Variants in ZC3H18 observed in about 807,000 individuals in gnomAD.
The protein encoded by ZC3H18 is zinc finger CCCH domain-containing protein 18.
In ZC3H18, 8 loss-of-function variants were observed where a neutral mutation model predicts 106.1. That is an observed-to-expected ratio of 0.08 (90% CI 0.04 to 0.14). The LOEUF (loss-of-function observed/expected upper bound fraction) is 0.14, where lower values mean the gene tolerates loss of function less well. Among genes scored for constraint, ZC3H18 ranks in the 10% least tolerant of loss-of-function variants. ZC3H18 has a pLI of 1.00. For missense variants in ZC3H18, 1,318 were observed against 1,278.4 expected (o/e 1.03, Z -0.47); for synonymous variants, 635 against 522.1 (o/e 1.22, Z -2.95).
intron 3 of ZC3H18, 132 bp downstream of exon 3, chr16:88,586,816 T>C (rs1250345584): frequency 2.4e-5 from 14 of 583,074 alleles, no homozygotes; most frequent in Non-Finnish European, 4.4e-5. Context: ...TAGGTGGTGG[T>C]GGTGGTGGTG....
chr16:88,585,969 C>T (rs1191616957), intron 2 of ZC3H18, among the ~76,000 whole-genome samples: 3 of 152,070 alleles, frequency 2.0e-5, no homozygotes, highest in Non-Finnish European at 2.9e-5. Flanking sequence ...CTCAGCTGCA[C>T]GTCCGTGGGA....
At position 88,599,803 on chromosome 16, in the gene ZC3H18, G is replaced by A; in HGVS notation, c.943G>A (p.Ala315Thr). ...LRHAKEVLKK[A>T]TIRKEQEPDF... ...CTTACAATGGTAGGTTTTAAAAAAA[G>A]CAACTATTCGAAAAGAACAGGAGCC... Residue 315 changes from alanine (A) to threonine (T), a missense_variant, in exon 6 of 18, where the codon GCA becomes ACA. Transcript: ENST00000301011. 1 of 1,607,964 alleles carries A rather than the reference G, an allele frequency of 6.2e-7. No homozygotes were observed. The highest frequency in any genetic ancestry group is 8.5e-7 in the Non-Finnish European group (1 of 1,178,278).
At chr16:88,620,598 AAAG>A (rs1905896690) in intron 8 of ZC3H18, among the ~76,000 whole-genome samples, 2 of 151,944 alleles carry the variant, frequency 1.3e-5, no homozygotes, top group Admixed American at 6.6e-5. Flanking sequence ...AAAAAAAAAA[AAAG>A]CCACGTTCTG....
intron 11 of ZC3H18, 82 bp from the exon 12 acceptor site, chr16:88,624,520 C>T: frequency 6.2e-7 from 1 of 1,602,996 alleles, no homozygotes; most frequent in Non-Finnish European, 8.5e-7. Context: ...GTTCCCCGAG[C>T]TGTGGGTCCA....
rs1567599295 is a variant in ZC3H18, at chr16:88,624,693, G to A, written c.1990G>A (p.Asp664Asn). Residue 664 changes from aspartate (D) to asparagine (N), a missense_variant, in exon 12 of 18, where the codon GAC becomes AAC. Physicochemically the swap from Asp to Asn is conservative, Grantham distance 23. Transcript: ENST00000301011. ...APVPEPTKPGDPREARRKERP... is the reference protein window; with the variant it reads ...APVPEPTKPGNPREARRKERP... ...TGTCCCCGAGCCCACCAAGCCAGGAGACCCTCGGGAAGCCAGGAGGAAGGA... is the reference window on the plus strand; with the variant it reads ...TGTCCCCGAGCCCACCAAGCCAGGAAACCCTCGGGAAGCCAGGAGGAAGGA... 6.2e-7 allele frequency: 1 copy of A among 1,612,554 alleles called. No individual in the cohort carries two copies. Among genetic ancestry groups the A allele is most frequent in the Non-Finnish European group, 8.5e-7 (1 of 1,178,934 alleles).
chr16:88,622,412 T>A (rs2142805054), intron 9 of ZC3H18, 24 bp downstream of exon 9: 2 of 1,579,896 alleles, frequency 1.3e-6, no homozygotes, highest in East Asian at 4.6e-5. Flanking sequence ...GTGGGACGGC[T>A]GGGGTGTCAG....
chr16:88,617,076 C>G (rs1302665413), intron 8 of ZC3H18, among the ~76,000 whole-genome samples: 3 of 152,110 alleles, frequency 2.0e-5, no homozygotes, highest in East Asian at 1.9e-4. Context: ...ATGCTGAGCC[C>G]CAATAGGAAA....
intron 16 of ZC3H18, 43 bp downstream of exon 16, chr16:88,628,897 GCC>G: frequency 6.2e-7 from 1 of 1,605,618 alleles, no homozygotes; most frequent in Non-Finnish European, 8.5e-7. Context: ...AGGGACGGGA[GCC>G]TGGGGATGCG....
At chr16:88,629,060 C>T (rs1382466535) in intron 16 of ZC3H18, among the ~76,000 whole-genome samples, 3 of 152,236 alleles carry the variant, frequency 2.0e-5, no homozygotes, top group Non-Finnish European at 4.4e-5. Context: ...ATAACAGGAC[C>T]GGGCGTGGTG....
chr16:88,598,447 T>C, intron 4 of ZC3H18, 121 bp downstream of exon 4: 1 of 1,494,356 alleles, frequency 6.7e-7, no homozygotes, highest in African/African-American at 1.4e-5. Context: ...CGGCTGCTTC[T>C]GTCGTCCCGA....
At chr16:88,585,651 C>G (rs1915390731) in intron 2 of ZC3H18, among the ~76,000 whole-genome samples, 1 of 152,124 alleles carries the variant, frequency 6.6e-6, no homozygotes, top group South Asian at 2.1e-4. Flanking sequence ...AGAACGCGGT[C>G]AGGCCTGGAA....
Position 88,619,421 on chromosome 16 carries a change from C to T in ZC3H18, c.1476-2776C>T, listed in dbSNP as rs537547091. Among the ~76,000 whole-genome samples the T allele has an allele frequency of 5.3e-4, 80 of 152,310 alleles. 2 individuals carry two copies. The South Asian group carries it at 7.0e-3, about 13-fold the overall frequency. Reference sequence around the variant, plus strand: ...CAGCTGCTTCAGAAGGAAGGTGGTGCGGCCGGCGGCAGCGGAGGGCGCGCT... The same window carrying T: ...CAGCTGCTTCAGAAGGAAGGTGGTGTGGCCGGCGGCAGCGGAGGGCGCGCT... On this transcript the variant is annotated intron_variant, in intron 8 of 17. Coordinates refer to ENST00000301011, the MANE Select transcript of ZC3H18 (RefSeq NM_144604.4).
chr16:88,612,411 C>A (rs1185745877), intron 8 of ZC3H18, among the ~76,000 whole-genome samples: 10 of 151,798 alleles, frequency 6.6e-5, no homozygotes, highest in Admixed American at 6.6e-4. Flanking sequence ...CACACTTGCA[C>A]CCTGCACTTT....
chr16:88,597,423 A>T (rs1404796599), intron 3 of ZC3H18, among the ~76,000 whole-genome samples: 10 of 152,218 alleles, frequency 6.6e-5, no homozygotes, highest in Admixed American at 6.5e-4. Context: ...AAAATTTTTA[A>T]ACCGCTTAGA....
intron 6 of ZC3H18, among the ~76,000 whole-genome samples, 191 bp downstream of exon 6, chr16:88,600,139 A>T (rs1904671667): frequency 6.6e-6 from 1 of 152,170 alleles, no homozygotes; most frequent in African/African-American, 2.4e-5. Flanking sequence ...GCTTCTAGGA[A>T]GGAAGCGTTA....
chr16:88,586,475 C>A, intron 2 of ZC3H18, 125 bp from the exon 3 acceptor site: 2 of 791,854 alleles, frequency 2.5e-6, no homozygotes, highest in Non-Finnish European at 4.3e-6. Flanking sequence ...GGAAAATTGA[C>A]GTGAATTCAA....
chr16:88,628,416 C>T (rs1223374038), intron 15 of ZC3H18, among the ~76,000 whole-genome samples: 2 of 152,176 alleles, frequency 1.3e-5, no homozygotes, highest in African/African-American at 2.4e-5. Flanking sequence ...AGGAAGCCTC[C>T]GTCCCTGTCC....
At chr16:88,626,617 T>C (rs746958822) in intron 13 of ZC3H18, 12 of 152,108 alleles carry the variant, frequency 7.9e-5, no homozygotes, top group Non-Finnish European at 1.8e-4. Context: ...TCTCCCAAAC[T>C]CGTGGGATTA....
At chr16:88,629,901 C>T (rs8062466) in intron 16 of ZC3H18, among the ~76,000 whole-genome samples, 123,340 of 152,274 alleles carry the variant, frequency 0.81, 50,126 homozygotes, top group East Asian at 0.9. Flanking sequence ...CTGGGTTTGT[C>T]GGACACAGGA....
Sources: gnomAD v4.1 joint callset for allele counts (sites outside exome capture counted in the v4.1 genomes callset) on GRCh38, gnomAD v4.1.1 for gene constraint, MANE v1.5 for transcripts, NCBI Gene and HGNC (gene_info 2026-07-23, HGNC 2026-07-21) for gene names.